Variants in ARSF observed in about 807,000 individuals in gnomAD.
ARSF encodes the protein arylsulfatase F.
Under a neutral mutation model 35.4 loss-of-function variants are expected in ARSF, and 33 were observed. The observed-to-expected ratio is 0.93, with a 90% confidence interval of 0.71 to 1.25. The LOEUF is 1.25. ARSF is among the 50% of genes most tolerant of loss of function. The pLI is 0.00. For missense variants in ARSF, 501 were observed against 480.2 expected (o/e 1.04, Z -0.40); for synonymous variants, 222 against 193.1 (o/e 1.15, Z -1.24).
At chrX:3,090,687 C>G in intron 7 of ARSF, among the ~76,000 whole-genome samples, 1 of 112,260 alleles carries the variant, frequency 8.9e-6, no homozygotes, top group Non-Finnish European at 1.9e-5. Context: ...TGAGAACATG[C>G]AGTATTTGGT....
chrX:3,109,410 A>C (rs2090429841), intron 9 of ARSF, among the ~76,000 whole-genome samples: 1 of 112,104 alleles, frequency 8.9e-6, no homozygotes, highest in Non-Finnish European at 1.9e-5. Flanking sequence ...TTTCTAATAC[A>C]AGGCATAAGA....
At chrX:3,051,018 TAG>T (rs2089995137) in intron 1 of ARSF, among the ~76,000 whole-genome samples, 2 of 111,401 alleles carry the variant, frequency 1.8e-5, no homozygotes, top group Non-Finnish European at 3.8e-5. Flanking sequence ...ATTATTATTT[TAG>T]AGAGACAGTT....
At chrX:3,092,108 A>AAGAT (rs753302994) in intron 7 of ARSF, among the ~76,000 whole-genome samples, 1 of 110,603 alleles carries the variant, frequency 9.0e-6, no homozygotes, top group African/African-American at 3.3e-5. Context: ...ATTGATAGAT[A>AAGAT]AGATAGATAG....
chrX:3,065,015 G>A (rs1461271167), intron 1 of ARSF, among the ~76,000 whole-genome samples: 1 of 111,351 alleles, frequency 9.0e-6, no homozygotes, highest in East Asian at 2.8e-4. Context: ...ATTCACAATA[G>A]CAAAGACTTG....
Position 3,072,130 on chromosome X carries a change from A to G in ARSF, c.116A>G (p.Asp39Gly). ...AATATTGTCCTAATCATGGTTGATGACCTGGGTATTGGAGATCTGGGCTGC... is the reference window on the plus strand; with the variant it reads ...AATATTGTCCTAATCATGGTTGATGGCCTGGGTATTGGAGATCTGGGCTGC... ...KPNIVLIMVD[D>G]LGIGDLGCYG... The change falls in exon 3 of 11, where the codon GAC (aspartate) becomes GGC (glycine). Residue 39 changes from aspartate to glycine, a missense_variant. Transcript: ENST00000381127. 8.3e-7 allele frequency: 1 copy of G among 1,202,835 alleles called. No individual in the cohort carries two copies. Among genetic ancestry groups the G allele is most frequent in the Non-Finnish European group, 1.1e-6 (1 of 893,857 alleles).
At chrX:3,083,531 C>T (rs5982641) in intron 5 of ARSF, among the ~76,000 whole-genome samples, 1,365 of 24,999 alleles carry the variant, frequency 0.055, 14 homozygotes, top group East Asian at 0.17. Flanking sequence ...TCTATCTATC[C>T]ATCCATCCAT....
chrX:3,103,635 A>G, intron 8 of ARSF, 127 bp from the exon 9 acceptor site: 1 of 770,770 alleles, frequency 1.3e-6, no homozygotes, highest in Non-Finnish European at 1.9e-6. Context: ...CCCCACTAGG[A>G]CTCTACATAG....
At chrX:3,072,342 T>C in intron 3 of ARSF, among the ~76,000 whole-genome samples, 167 bp downstream of exon 3, 1 of 112,485 alleles carries the variant, frequency 8.9e-6, no homozygotes, top group Non-Finnish European at 1.9e-5. Flanking sequence ...GTAATAGTTT[T>C]ACAATTACAT....
At chrX:3,071,034 T>C in intron 2 of ARSF, among the ~76,000 whole-genome samples, 1 of 109,823 alleles carries the variant, frequency 9.1e-6, no homozygotes, top group Non-Finnish European at 1.9e-5. Context: ...ATAAAGAAGA[T>C]GTGTTATATA....
At chrX:3,057,870 C>T (rs189400010) in intron 1 of ARSF, among the ~76,000 whole-genome samples, 2 of 111,626 alleles carry the variant, frequency 1.8e-5, no homozygotes, top group Non-Finnish European at 3.8e-5. Context: ...TAAGATTCAT[C>T]TATGTCTTTC....
At chrX:3,044,187 C>G (rs1325378241) in intron 1 of ARSF, among the ~76,000 whole-genome samples, 1 of 112,465 alleles carries the variant, frequency 8.9e-6, no homozygotes, top group Non-Finnish European at 1.9e-5. Flanking sequence ...AAGTGCTTAT[C>G]AGACAACCAA....
At chrX:3,048,512 G>A (rs1289030640) in intron 1 of ARSF, among the ~76,000 whole-genome samples, 1 of 112,096 alleles carries the variant, frequency 8.9e-6, no homozygotes, top group Non-Finnish European at 1.9e-5. Flanking sequence ...GCTGATCAAG[G>A]ACTCAAAAGA....
chrX:3,080,128 C>T (rs1190493946), intron 4 of ARSF, among the ~76,000 whole-genome samples: 3 of 110,494 alleles, frequency 2.7e-5, no homozygotes, highest in East Asian at 2.8e-4. Flanking sequence ...TAAAATCGCA[C>T]GTATCAACCC....
At chrX:3,076,445 C>A in intron 3 of ARSF, 103 bp from the exon 4 acceptor site, 2 of 965,287 alleles carry the variant, frequency 2.1e-6, no homozygotes, top group Non-Finnish European at 2.8e-6. Flanking sequence ...CCACCTGTGC[C>A]TTTCTGTTTG....
At chrX:3,085,119 C>T (rs2090237804) in intron 6 of ARSF, among the ~76,000 whole-genome samples, 2 of 109,716 alleles carry the variant, frequency 1.8e-5, no homozygotes, top group Admixed American at 2.0e-4. Context: ...GTTTGGGCTC[C>T]TGTTATTAAA....
intron 9 of ARSF, among the ~76,000 whole-genome samples, chrX:3,108,945 G>A (rs59068705): frequency 0.036 from 4,006 of 111,194 alleles, 65 homozygotes; most frequent in Middle Eastern, 0.1. Context: ...GAACCTGGGA[G>A]ATGGAGGTTG....
chrX:3,110,517 T>C (rs2090438249), intron 10 of ARSF, among the ~76,000 whole-genome samples: 1 of 112,417 alleles, frequency 8.9e-6, no homozygotes, highest in South Asian at 3.7e-4. Flanking sequence ...TCTATGCAAT[T>C]TTTACTTATC....
chrX:3,054,433 C>T (rs1260435688), intron 1 of ARSF, among the ~76,000 whole-genome samples: 1 of 110,611 alleles, frequency 9.0e-6, no homozygotes, highest in Non-Finnish European at 1.9e-5. Flanking sequence ...AGCCTACAAT[C>T]AGCCTCCTCA....
intron 1 of ARSF, among the ~76,000 whole-genome samples, chrX:3,042,906 C>T (rs2089961231): frequency 9.0e-6 from 1 of 110,708 alleles, no homozygotes; most frequent in South Asian, 3.9e-4. Context: ...CCTGTAATCC[C>T]AGCACTTTGG....
Sources: allele counts gnomAD v4.1 joint callset (sites outside exome capture counted in the v4.1 genomes callset), GRCh38; gene constraint gnomAD v4.1.1; transcripts MANE v1.5; gene names NCBI Gene and HGNC (gene_info 2026-07-23, HGNC 2026-07-21).